GRIP1: variants seen among roughly 807,000 people sequenced by gnomAD.
The protein encoded by GRIP1 is glutamate receptor interacting protein 1, also known as glutamate receptor-interacting protein 1.
Under a neutral mutation model 129.9 loss-of-function variants are expected in GRIP1, and 45 were observed. That is an observed-to-expected ratio of 0.35 (90% CI 0.27 to 0.44). The LOEUF (loss-of-function observed/expected upper bound fraction) is 0.44. Ranked by LOEUF, GRIP1 falls within the 20% of genes least tolerant of loss-of-function variation. The probability of loss-of-function intolerance (pLI) is 1.00; values close to 1 mark genes in which losing one functional copy is unlikely to be tolerated. For synonymous variants in GRIP1, 530 were observed against 520.8 expected (o/e 1.02, Z -0.24); for missense variants, 1,196 against 1,396.8 (o/e 0.86, Z 2.29).
chr12:66,678,841 G>A lies in GRIP1; in HGVS notation c.55+9C>T. Reference sequence around the variant, plus strand: ...ACTCGCTGAGGGAATAACAAGGAAAGCACGATACCTTTAGTAAGTCGCCTC... The same window carrying A: ...ACTCGCTGAGGGAATAACAAGGAAAACACGATACCTTTAGTAAGTCGCCTC... On this transcript the variant is annotated intron_variant, in intron 1 of 24. Transcript: ENST00000359742. 1 of 1,612,256 alleles carries A rather than the reference G, an allele frequency of 6.2e-7. No individual in the cohort carries two copies.
intron 1 of GRIP1, among the ~76,000 whole-genome samples, chr12:67,002,760 CTTTTA>C (rs1463872120): frequency 1.3e-5 from 2 of 150,498 alleles, no homozygotes; most frequent in Non-Finnish European, 3.0e-5. Flanking sequence ...TCTTTATCTA[CTTTTA>C]TTTTTTCTTT....
intron 1 of GRIP1, among the ~76,000 whole-genome samples, chr12:66,741,574 T>G (rs1487423871): frequency 6.6e-6 from 1 of 152,234 alleles, no homozygotes; most frequent in African/African-American, 2.4e-5. Context: ...TAGTCACATG[T>G]AAGCAAATAT....
At chr12:66,644,846 A>G (rs1023210651) in intron 1 of GRIP1, among the ~76,000 whole-genome samples, 49 of 152,322 alleles carry the variant, frequency 3.2e-4, no homozygotes, top group African/African-American at 1.1e-3. Flanking sequence ...AAATGTTTTC[A>G]TAATAGTCTA....
chr12:66,669,363 G>A (rs1358044985), intron 1 of GRIP1, among the ~76,000 whole-genome samples: 1 of 151,926 alleles, frequency 6.6e-6, no homozygotes, highest in Non-Finnish European at 1.5e-5. Context: ...ACTGCAGCCT[G>A]GGTGACAGAG....
chr12:67,037,595 A>G (rs552855488), intron 1 of GRIP1: 1 of 152,300 alleles, frequency 6.6e-6, no homozygotes, highest in African/African-American at 2.4e-5. Flanking sequence ...CTGAAGCAAA[A>G]GCAGACATAA....
intron 1 of GRIP1, among the ~76,000 whole-genome samples, chr12:66,925,618 T>C (rs1401153098): frequency 1.3e-5 from 2 of 152,172 alleles, no homozygotes; most frequent in East Asian, 1.9e-4. Flanking sequence ...TACTACAATA[T>C]ACTAGATTAT....
intron 1 of GRIP1, among the ~76,000 whole-genome samples, chr12:66,946,773 T>C (rs955383340): frequency 1.8e-4 from 4 of 22,772 alleles, no homozygotes; most frequent in African/African-American, 2.4e-4. Context: ...GGTCGGGGGG[T>C]GGGGTGGGGG....
At chr12:66,724,594 G>A (rs2036193405) in intron 1 of GRIP1, among the ~76,000 whole-genome samples, 1 of 152,206 alleles carries the variant, frequency 6.6e-6, no homozygotes, top group Admixed American at 6.5e-5. Context: ...TCCAGAGACA[G>A]TGCTAACAAT....
intron 1 of GRIP1, among the ~76,000 whole-genome samples, chr12:66,613,960 C>G (rs1300612684): frequency 6.6e-6 from 1 of 152,146 alleles, no homozygotes; most frequent in Non-Finnish European, 1.5e-5. Context: ...AAAGCATTCA[C>G]TGATCTTTTC....
At chr12:66,366,690 T>C (rs2055166881) in intron 23 of GRIP1, among the ~76,000 whole-genome samples, 1 of 152,216 alleles carries the variant, frequency 6.6e-6, no homozygotes, top group African/African-American at 2.4e-5. Context: ...GTTTTTGTTT[T>C]TGTTTTTTAA....
intron 5 of GRIP1, among the ~76,000 whole-genome samples, chr12:66,523,997 C>T (rs1226832451): frequency 6.6e-6 from 1 of 152,160 alleles, no homozygotes; most frequent in African/African-American, 2.4e-5. Flanking sequence ...AATATATATA[C>T]ACCCAATACA....
chr12:66,961,595 G>C (rs1592396771), intron 1 of GRIP1, among the ~76,000 whole-genome samples: 2 of 152,054 alleles, frequency 1.3e-5, no homozygotes, highest in Non-Finnish European at 2.9e-5. Context: ...AGTTTGGGAA[G>C]TTCAGAAGGA....
chr12:66,609,528 A>G (rs1346095551), intron 1 of GRIP1, among the ~76,000 whole-genome samples: 2 of 152,216 alleles, frequency 1.3e-5, no homozygotes, highest in Non-Finnish European at 2.9e-5. Context: ...TAGTCCAAAG[A>G]TGACCAAATT....
intron 2 of GRIP1, among the ~76,000 whole-genome samples, chr12:66,587,067 G>A (rs890750357): frequency 4.6e-5 from 7 of 152,140 alleles, no homozygotes; most frequent in African/African-American, 1.7e-4. Flanking sequence ...CCTCAGCCTT[G>A]CTTCCCAGTT....
intron 23 of GRIP1, among the ~76,000 whole-genome samples, chr12:66,371,390 C>T (rs1250456033): frequency 6.6e-6 from 1 of 152,146 alleles, no homozygotes; most frequent in Non-Finnish European, 1.5e-5. Context: ...AACTCCTGAC[C>T]TCAAGTGATC....
At chr12:66,860,294 C>T (rs1294923047) in intron 1 of GRIP1, among the ~76,000 whole-genome samples, 1 of 152,034 alleles carries the variant, frequency 6.6e-6, no homozygotes, top group Non-Finnish European at 1.5e-5. Context: ...TGCATAGTTT[C>T]CTTTCAGGAC....
At position 66,371,935 on chromosome 12, in the gene GRIP1, A is replaced by G. The variant is rs2055528386; in HGVS notation, c.2779-8T>C. On this transcript the variant is annotated splice_region_variant and splice_polypyrimidine_tract_variant and intron_variant, in intron 22 of 24. Transcript: ENST00000359742. ...CCCCGACATGATTGTTGCCTGTGGC[A>G]TTGACAATTTTTAGAAACAATTAAG... 4 of 1,579,380 alleles carry G rather than the reference A, an allele frequency of 2.5e-6. No homozygotes were observed. Among genetic ancestry groups the G allele is most frequent in the South Asian group, 2.2e-5 (2 of 90,462 alleles).
chr12:66,815,854 TTC>T (rs1555241803), intron 1 of GRIP1, among the ~76,000 whole-genome samples: 8 of 116,830 alleles, frequency 6.8e-5, no homozygotes, highest in Admixed American at 2.0e-4. Flanking sequence ...CTTTCTTTCT[TTC>T]TCTCTCTCTC....
At chr12:66,730,769 G>A (rs111935972) in intron 1 of GRIP1, among the ~76,000 whole-genome samples, 1,801 of 150,000 alleles carry the variant, frequency 0.012, 42 homozygotes, top group African/African-American at 0.042. Context: ...AGAAGGTGAC[G>A]GACCACAGTA....
Sources: gnomAD v4.1 joint callset for allele counts (sites outside exome capture counted in the v4.1 genomes callset) on GRCh38, gnomAD v4.1.1 for gene constraint, MANE v1.5 for transcripts, NCBI Gene and HGNC (gene_info 2026-07-23, HGNC 2026-07-21) for gene names.